The following ZNF250 variants were observed in gnomAD, a reference collection of about 807,000 sequenced individuals.
ZNF250 encodes the protein zinc finger protein (clone 647).
In ZNF250, 13 loss-of-function variants were observed where a neutral mutation model predicts 37.1. The observed-to-expected ratio is 0.35, with a 90% CI of 0.23 to 0.56. The LOEUF (loss-of-function observed/expected upper bound fraction) is 0.56, where lower values mean the gene tolerates loss of function less well. ZNF250 is among the 20% of genes least tolerant of loss of function. ZNF250 has a pLI of 0.87. For missense variants in ZNF250, 474 were observed against 697.9 expected (o/e 0.68, Z 3.61); for synonymous variants, 251 against 265.6 (o/e 0.94, Z 0.54).
At chr8:144,899,381 G>A (rs757669238) in intron 1 of ZNF250, among the ~76,000 whole-genome samples, 1 of 152,092 alleles carries the variant, frequency 6.6e-6, no homozygotes, top group Non-Finnish European at 1.5e-5. Context: ...CAGAAGAAGA[G>A]ATGTGAAATG....
intron 5 of ZNF250, among the ~76,000 whole-genome samples, chr8:144,884,275 G>A (rs547806141): frequency 2.0e-5 from 3 of 152,110 alleles, no homozygotes; most frequent in Non-Finnish European, 2.9e-5. Context: ...TTTTAGAGAC[G>A]GAGTCTTACC....
chr8:144,878,729 A>G lies in ZNF250; in HGVS notation c.*2786T>C, dbSNP rs1307436023. The G allele has an allele frequency of 6.6e-6, 1 of 152,202 alleles. No homozygotes were observed. Among genetic ancestry groups the G allele is most frequent in the Admixed American group, 6.5e-5 (1 of 15,282 alleles). The allele number at this position is 152,202 out of a possible 1,614,324, so 9.4% of individuals were successfully genotyped here. On this transcript the variant is annotated 3_prime_UTR_variant, in exon 6 of 6. Coordinates refer to ENST00000417550, the MANE Select transcript of ZNF250 (RefSeq NM_001109689.4). ...GACCTCCATTCTTCTAGAGTTTCAC[A>G]TTAGTGATTTCAACTTCTCTGAAGA...
At chr8:144,887,252 C>CAAAAAAAAAAAAA (rs56677445) in intron 4 of ZNF250, among the ~76,000 whole-genome samples, 20 of 63,082 alleles carry the variant, frequency 3.2e-4, no homozygotes, top group African/African-American at 1.5e-3. Flanking sequence ...CTCCGTCTCT[C>CAAAAAAAAAAAAA]AAAAAAAAAA....
rs576392214 is a variant in ZNF250, at chr8:144,890,397, T to G, written c.-48A>C. ...GAGGATCACGGAAATTGAAGGAGCCTATGGGGCTGAGGAAGAGGAGGGGGC... is the reference window on the plus strand; with the variant it reads ...GAGGATCACGGAAATTGAAGGAGCCGATGGGGCTGAGGAAGAGGAGGGGGC... On this transcript the variant is annotated 5_prime_UTR_variant, in exon 2 of 6. Transcript: ENST00000417550. The surrounding 1 kb of genome is among the most constrained non-coding windows in gnomAD (Gnocchi z 5.1). 2.1e-5 allele frequency: 30 copies of G among 1,442,294 alleles called. No homozygotes were observed. The highest frequency in any genetic ancestry group is 5.3e-5 in the Admixed American group (2 of 37,882). The allele number at this position is 1,442,294 out of a possible 1,614,324, so 89.3% of individuals were successfully genotyped here. A position where few individuals can be genotyped will look rare whatever the true frequency, so the allele number is the denominator to read the frequency against.
chr8:144,888,595 CAA>C (rs36073563), intron 4 of ZNF250, among the ~76,000 whole-genome samples: 8,485 of 54,096 alleles, frequency 0.16, 328 homozygotes, highest in East Asian at 0.3. Flanking sequence ...AAGACTGTCT[CAA>C]AAAAAAAAAA....
At chr8:144,888,902 G>A (rs1441094965) in intron 4 of ZNF250, among the ~76,000 whole-genome samples, 2 of 152,088 alleles carry the variant, frequency 1.3e-5, no homozygotes, top group Non-Finnish European at 2.9e-5. Flanking sequence ...CCGAGTAGCT[G>A]GGACTACAGG....
chr8:144,898,663 G>A (rs963328534), intron 1 of ZNF250, among the ~76,000 whole-genome samples: 2 of 152,144 alleles, frequency 1.3e-5, no homozygotes, highest in African/African-American at 4.8e-5. Context: ...CATACAGAAT[G>A]GAAGAAAATA....
At chr8:144,884,186 A>C (rs1414746340) in intron 5 of ZNF250, among the ~76,000 whole-genome samples, 1 of 152,154 alleles carries the variant, frequency 6.6e-6, no homozygotes, top group Non-Finnish European at 1.5e-5. Context: ...GCAGTTAATC[A>C]TTTTCACTGC....
rs1831972715 is a variant in ZNF250, at chr8:144,887,397, C to T, written c.284-495G>A. ...ATCCTGAGGAACTGCCAGGACAAGA[C>T]AAAGGCATATCTACTCCTCGCTTGC... On this transcript the variant is annotated intron_variant, in intron 4 of 5. Coordinates refer to ENST00000417550, the MANE Select transcript of ZNF250 (RefSeq NM_001109689.4). Among the ~76,000 whole-genome samples the T allele has an allele frequency of 2.0e-5, 3 of 151,916 alleles. No homozygotes were observed. The South Asian group carries it at 6.2e-4, about 32-fold the overall frequency.
chr8:144,888,308 C>T (rs1268053726), intron 4 of ZNF250, among the ~76,000 whole-genome samples: 1 of 152,060 alleles, frequency 6.6e-6, no homozygotes, highest in African/African-American at 2.4e-5. Flanking sequence ...ATAAATAAAA[C>T]ATTTCTGGCC....
chr8:144,881,306 T>G lies in ZNF250; in HGVS notation c.*209A>C. On this transcript the variant is annotated 3_prime_UTR_variant, in exon 6 of 6. Coordinates refer to ENST00000417550, the MANE Select transcript of ZNF250 (RefSeq NM_001109689.4). ...TGTATGATTACTCTCCAACATAACT[T>G]CAAGATGTTGAGGAAAATAAAACAG... 1.6e-6 allele frequency: 1 copy of G among 608,274 alleles called. No individual in the cohort carries two copies. Among genetic ancestry groups the G allele is most frequent in the Non-Finnish European group, 2.6e-6 (1 of 387,522 alleles). 37.7% of individuals were successfully genotyped at this position (608,274 alleles called of 1,614,324 possible).
In ZNF250 at chr8:144,877,776, T is replaced by G. The variant is rs1209705207; in HGVS notation, c.*3739A>C. The G allele has an allele frequency of 6.6e-6, 1 of 152,202 alleles. No individual in the cohort carries two copies. Among genetic ancestry groups the G allele is most frequent in the African/African-American group, 2.4e-5 (1 of 41,442 alleles). The allele number at this position is 152,202 out of a possible 1,614,324, so 9.4% of individuals were successfully genotyped here. On this transcript the variant is annotated 3_prime_UTR_variant, in exon 6 of 6. Transcript: ENST00000417550. ...CATTTTAAGAATGCAGGAAAAAAACTATACTTTTTGGAAGGATTTCCCTGA... is the reference window on the plus strand; with the variant it reads ...CATTTTAAGAATGCAGGAAAAAAACGATACTTTTTGGAAGGATTTCCCTGA...
Position 144,882,080 on chromosome 8 carries a change from C to T in ZNF250, c.1103G>A (p.Gly368Glu). 6.2e-7 allele frequency: 1 copy of T among 1,614,062 alleles called. No individual in the cohort carries two copies. The highest frequency in any genetic ancestry group is 8.5e-7 in the Non-Finnish European group (1 of 1,179,982). ...GACTGAGCGGTCGCTGAAGGCCTTC[C>T]CACACTCGCTGCACGTGTAGGGCTT... is the stretch of plus-strand genomic sequence containing the variant. The part of the protein sequence containing the change: ...GEKPYTCSEC[G>E]KAFSDRSVLI... The change falls in exon 6 of 6, where the codon GGG (glycine) becomes GAG (glutamate). Residue 368 changes from glycine to glutamate, a missense_variant. Physicochemically the swap from Gly to Glu is moderately conservative, Grantham distance 98. This residue lies in a region of ZNF250 where 282 missense variants were observed against 470.4 expected (regional missense o/e 0.60). Transcript: ENST00000417550. The surrounding 1 kb of genome is among the most constrained non-coding windows in gnomAD (Gnocchi z 5.5).
chr8:144,889,752 G>C, intron 3 of ZNF250, 58 bp from the exon 4 acceptor site: 4 of 1,544,956 alleles, frequency 2.6e-6, no homozygotes, highest in Non-Finnish European at 3.5e-6. Context: ...CCCTCCCCCT[G>C]CCCAAGCCAC....
rs1563879252 is a variant in ZNF250 at position 144,882,610 on chromosome 8, C to A, written c.573G>T (p.Glu191Asp). The change falls in exon 6 of 6, where the codon GAG (glutamate) becomes GAT (aspartate). Residue 191 changes from glutamate to aspartate, a missense_variant. Transcript: ENST00000417550. This position sits in a 1 kb window ranked among gnomAD's most constrained non-coding sequence, Gnocchi z 5.5. ...CACACTCAACACACATGTAGGGCCT[C>A]TCTCCACTAGGCACTGCCTGGTGCG... ...LTPHQAVPSG[E>D]RPYMCVECGK... 1 of 1,614,090 alleles carries A rather than the reference C, an allele frequency of 6.2e-7. No individual in the cohort carries two copies. The highest frequency in any genetic ancestry group is 8.5e-7 in the Non-Finnish European group (1 of 1,179,950).
chr8:144,899,349 T>G (rs570518800), intron 1 of ZNF250, among the ~76,000 whole-genome samples: 1 of 152,224 alleles, frequency 6.6e-6, no homozygotes, highest in Non-Finnish European at 1.5e-5. Context: ...AGTTAATAAT[T>G]TATTGTATAT....
intron 5 of ZNF250, among the ~76,000 whole-genome samples, chr8:144,884,697 ATTT>A (rs568157518): frequency 6.7e-6 from 1 of 149,508 alleles, no homozygotes; most frequent in African/African-American, 2.5e-5. Flanking sequence ...CATGTTTTCG[ATTT>A]TTTTTTTCAT....
chr8:144,900,784 A>G (rs995122113), intron 1 of ZNF250, among the ~76,000 whole-genome samples: 61 of 152,320 alleles, frequency 4.0e-4, no homozygotes, highest in African/African-American at 1.5e-3. Flanking sequence ...TTTATAGCTA[A>G]GTAAAGTGGC....
At chr8:144,894,862 C>T (rs555312327) in intron 1 of ZNF250, among the ~76,000 whole-genome samples, 2 of 151,628 alleles carry the variant, frequency 1.3e-5, no homozygotes, top group African/African-American at 4.8e-5. Context: ...CGAGGTCTTG[C>T]TGTGTTGCCC....
Sources: gnomAD v4.1 joint callset for allele counts (sites outside exome capture counted in the v4.1 genomes callset) on GRCh38, gnomAD v4.1.1 for gene constraint, gnomAD v4.1.1 regional missense constraint, Gnocchi (gnomAD v3.1) non-coding constraint, MANE v1.5 for transcripts, NCBI Gene and HGNC (gene_info 2026-07-23, HGNC 2026-07-21) for gene names.